The following ALK variants were observed in gnomAD, a reference collection of about 807,000 sequenced individuals.
The protein encoded by ALK is ALK receptor tyrosine kinase, also known as ALK tyrosine kinase receptor.
In ALK, 74 loss-of-function variants were observed where a neutral mutation model predicts 163.1. The observed-to-expected ratio is 0.45, with a 90% CI of 0.38 to 0.55. The LOEUF is 0.55. Ranked by LOEUF, ALK falls within the 20% of genes least tolerant of loss-of-function variation. The pLI, the probability that ALK is intolerant of heterozygous loss-of-function variation, is 0.00. For missense variants in ALK, 2,063 were observed against 2,105.3 expected, an observed-to-expected ratio of 0.98 and a Z score of 0.39; for synonymous variants, 960 against 843.2, an observed-to-expected ratio of 1.14 and a Z score of -2.40.
At chr2:29,703,648 T>C (rs2148296471) in intron 2 of ALK, among the ~76,000 whole-genome samples, 1 of 152,284 alleles carries the variant, frequency 6.6e-6, no homozygotes, top group South Asian at 2.1e-4. Flanking sequence ...TCCTGAGAAA[T>C]AGTATTCCAA....
intron 3 of ALK, among the ~76,000 whole-genome samples, chr2:29,679,892 CTCTG>C (rs1394176821): frequency 3.3e-5 from 5 of 151,914 alleles, no homozygotes; most frequent in Non-Finnish European, 7.4e-5. Context: ...GCAACAAATT[CTCTG>C]TCTTTGTTTT....
At chr2:29,493,325 G>A (rs1454127664) in intron 4 of ALK, among the ~76,000 whole-genome samples, 2 of 152,142 alleles carry the variant, frequency 1.3e-5, no homozygotes, top group African/African-American at 2.4e-5. Flanking sequence ...GCTGTTTCAG[G>A]TCCTAATTTC....
At chr2:29,787,658 AG>A (rs1664073818) in intron 1 of ALK, among the ~76,000 whole-genome samples, 1 of 152,220 alleles carries the variant, frequency 6.6e-6, no homozygotes, top group Admixed American at 6.5e-5. Context: ...GAAGAGAATG[AG>A]AAAAAGACAG....
chr2:29,479,616 T>C (rs62129086), intron 4 of ALK, among the ~76,000 whole-genome samples: 10,915 of 152,280 alleles, frequency 0.072, 505 homozygotes, highest in Middle Eastern at 0.13. Context: ...ATAAAGTGTT[T>C]GCATTTTCTT....
In ALK at chr2:29,417,235, G is replaced by A. The variant is rs550891283; in HGVS notation, c.1155-33376C>T. ...GATCTCCTGACCTTGTGATCCACCC[G>A]CCTCAGGCTCCCAAAGTGCTGGGAT... On this transcript the variant is annotated intron_variant, in intron 4 of 28. Transcript: ENST00000389048. Among the ~76,000 whole-genome samples, 26 of 152,098 alleles carry A rather than the reference G, an allele frequency of 1.7e-4. No homozygotes were observed. The South Asian group carries it at 2.7e-3, about 16-fold the overall frequency.
chr2:29,368,693 G>A (rs969669314), intron 5 of ALK, among the ~76,000 whole-genome samples: 7 of 152,190 alleles, frequency 4.6e-5, no homozygotes, highest in African/African-American at 1.7e-4. Flanking sequence ...AGAGTGGGAA[G>A]TGGTAAGACC....
intron 1 of ALK, among the ~76,000 whole-genome samples, chr2:29,845,058 T>C (rs1184449056): frequency 6.6e-6 from 1 of 152,192 alleles, no homozygotes; most frequent in Non-Finnish European, 1.5e-5. Context: ...CAGGGGGTTA[T>C]GGATGTGAGT....
intron 3 of ALK, among the ~76,000 whole-genome samples, chr2:29,559,766 TAC>T (rs372102714): frequency 0.01 from 1,147 of 111,890 alleles, 7 homozygotes; most frequent in Non-Finnish European, 0.019. Context: ...GGGGAGCATG[TAC>T]GTGTGTGTGT....
intron 6 of ALK, among the ~76,000 whole-genome samples, chr2:29,324,564 A>G (rs1667190710): frequency 1.3e-5 from 2 of 152,226 alleles, no homozygotes; most frequent in Non-Finnish European, 2.9e-5. Context: ...TGGCAGGAAG[A>G]GTATCCCCAG....
chr2:29,898,229 ATTC>A (rs967327349), intron 1 of ALK, among the ~76,000 whole-genome samples: 2 of 152,198 alleles, frequency 1.3e-5, no homozygotes, highest in African/African-American at 2.4e-5. Context: ...CCCATTCTGA[ATTC>A]TTCTTCCAAG....
At chr2:29,298,503 A>G (rs2148232434) in intron 8 of ALK, among the ~76,000 whole-genome samples, 1 of 152,256 alleles carries the variant, frequency 6.6e-6, no homozygotes. Flanking sequence ...GCTAATTTGA[A>G]CTTCCATGAA....
At position 29,735,057 on chromosome 2, in the gene ALK, G is replaced by T. The variant is rs562087611; in HGVS notation, c.668-17360C>A. Among the ~76,000 whole-genome samples, 22 of 152,166 alleles carry T rather than the reference G, an allele frequency of 1.4e-4. No homozygotes were observed. In the East Asian group the frequency reaches 2.1e-3, roughly 15 times the overall value. On this transcript the variant is annotated intron_variant, in intron 1 of 28. Transcript: ENST00000389048. ...ACAAAAACCCCATGAAACAGGTATT[G>T]GTATTCTCGTTTTGCATATGAAGAA...
chr2:29,440,049 T>C (rs983383189), intron 4 of ALK, among the ~76,000 whole-genome samples: 10 of 151,694 alleles, frequency 6.6e-5, no homozygotes, highest in African/African-American at 2.4e-4. Context: ...CTGGCCAACA[T>C]GGTGAAACCC....
In ALK at chr2:29,386,957, G is replaced by C. The variant is rs1669046060; in HGVS notation, c.1155-3098C>G. On this transcript the variant is annotated intron_variant, in intron 4 of 28. Transcript: ENST00000389048. The stretch of plus-strand genomic sequence containing the variant: ...AGTGGTCACAGAATGAGCCTATTAG[G>C]GTCCTGCTTTTGTCCCTTCGGCTGG... Among the ~76,000 whole-genome samples, 3 of 152,152 alleles carry C rather than the reference G, an allele frequency of 2.0e-5. No individual in the cohort carries two copies. In the South Asian group the frequency reaches 6.2e-4, roughly 32 times the overall value.
intron 24 of ALK, among the ~76,000 whole-genome samples, chr2:29,210,377 A>T (rs1468082666): frequency 6.6e-6 from 1 of 152,242 alleles, no homozygotes; most frequent in Non-Finnish European, 1.5e-5. Context: ...GTTTTAGAAC[A>T]GCATGACTTC....
At chr2:29,557,009 C>A (rs1173530127) in intron 3 of ALK, among the ~76,000 whole-genome samples, 1 of 152,176 alleles carries the variant, frequency 6.6e-6, no homozygotes, top group East Asian at 1.9e-4. Context: ...AGACTCTTTT[C>A]TACAATGTTT....
Position 29,297,055 on chromosome 2 carries a change from G to C in ALK, c.1650C>G (p.Leu550=), listed in dbSNP as rs762374963. The C allele has an allele frequency of 2.1e-5, 34 of 1,614,038 alleles. No homozygotes were observed. In the Admixed American group the frequency reaches 3.3e-4, roughly 16 times the overall value. ...PAPIKSSPCE[L]RMSWLIRGVL... Reference sequence around the variant, plus strand: ...CTCCACGAATGAGCCAGGACATTCGGAGCTGTGAGGGCGAGAAGAGTCAGA... The same window carrying C: ...CTCCACGAATGAGCCAGGACATTCGCAGCTGTGAGGGCGAGAAGAGTCAGA... The change falls in exon 9 of 29, where the codon CTC becomes CTG. Residue 550 remains leucine, a splice_region_variant and synonymous_variant. Transcript: ENST00000389048.
At chr2:29,906,698 G>C (rs1053939661) in intron 1 of ALK, among the ~76,000 whole-genome samples, 1 of 152,126 alleles carries the variant, frequency 6.6e-6, no homozygotes, top group Non-Finnish European at 1.5e-5. Flanking sequence ...CTGAGCATCA[G>C]TTTCTTTATT....
chr2:29,723,241 G>A (rs533073049), intron 1 of ALK, among the ~76,000 whole-genome samples: 14 of 152,086 alleles, frequency 9.2e-5, no homozygotes, highest in Non-Finnish European at 1.3e-4. Context: ...GCTCTTCCCC[G>A]AACTCACCAA....
Sources: gnomAD v4.1 joint callset for allele counts (sites outside exome capture counted in the v4.1 genomes callset) on GRCh38, gnomAD v4.1.1 for gene constraint, MANE v1.5 for transcripts, NCBI Gene and HGNC (gene_info 2026-07-23, HGNC 2026-07-21) for gene names.